The following HTR4 variants were observed in gnomAD, a reference collection of about 807,000 sequenced individuals.
HTR4 encodes the protein 5-hydroxytryptamine receptor 4.
A neutral mutation model predicts 36.8 loss-of-function variants in HTR4; 16 were observed. The observed-to-expected ratio is 0.43, with a 90% CI of 0.29 to 0.66. HTR4 has a LOEUF of 0.66. Ranked by LOEUF, HTR4 falls within the 30% of genes least tolerant of loss-of-function variation. The probability of loss-of-function intolerance (pLI) is 0.13; values close to 1 mark genes in which losing one functional copy is unlikely to be tolerated. For missense variants in HTR4, 438 were observed against 490.9 expected, an observed-to-expected ratio of 0.89 and a Z score of 1.02; for synonymous variants, 189 against 185.1, an observed-to-expected ratio of 1.02 and a Z score of -0.17.
intron 2 of HTR4, among the ~76,000 whole-genome samples, chr5:148,613,598 G>A (rs551690554): frequency 6.7e-6 from 1 of 150,200 alleles, no homozygotes; most frequent in East Asian, 2.0e-4. Context: ...AAAACTGGAA[G>A]CATTCCCTTT....
Position 148,548,883 on chromosome 5 carries a change from G to A in HTR4, c.153-15C>T, listed in dbSNP as rs761637593. ...TTTTTATTTTCCTGTGAGTGAAAAAGTGTAAGAGAGGAGGCAGGGGGAGGG... is the reference window on the plus strand; with the variant it reads ...TTTTTATTTTCCTGTGAGTGAAAAAATGTAAGAGAGGAGGCAGGGGGAGGG... On this transcript the variant is annotated splice_polypyrimidine_tract_variant and intron_variant, in intron 3 of 6. Coordinates refer to ENST00000377888, the MANE Select transcript of HTR4 (RefSeq NM_000870.7). 3.1e-6 allele frequency: 5 copies of A among 1,598,570 alleles called. No individual in the cohort carries two copies. In the South Asian group the frequency reaches 3.3e-5, roughly 11 times the overall value.
At chr5:148,462,215 A>G (rs1581336660) in intron 5 of HTR4, among the ~76,000 whole-genome samples, 1 of 152,140 alleles carries the variant, frequency 6.6e-6, no homozygotes, top group East Asian at 1.9e-4. Flanking sequence ...GAGAAAATCA[A>G]TAAAACAAAA....
In HTR4 at chr5:148,454,658, G is replaced by A. The variant is rs377683748; in HGVS notation, c.1077-3386C>T. 5.9e-5 allele frequency among the ~76,000 whole-genome samples: 9 copies of A among 152,134 alleles called. No individual in the cohort carries two copies. In the South Asian group the frequency reaches 8.3e-4, roughly 14 times the overall value. On this transcript the variant is annotated intron_variant, in intron 5 of 5. Transcript: ENST00000521530. ...CAAAGCCCTCTTTTGGCAAATATGC[G>A]TACTAAAGCAACACCAATTGATTTC...
At position 148,508,549 on chromosome 5, in the gene HTR4, G is replaced by A. The variant is rs548675158; in HGVS notation, c.1076+907C>T. Among the ~76,000 whole-genome samples, 4 of 152,204 alleles carry A rather than the reference G, an allele frequency of 2.6e-5. No individual in the cohort carries two copies. In the South Asian group the frequency reaches 8.3e-4, roughly 32 times the overall value. ...CTTCCTTGTACTGTTCTATCTGCCTGAAATGGCTTCCCTGCCTTCTCCTCC... is the reference window on the plus strand; with the variant it reads ...CTTCCTTGTACTGTTCTATCTGCCTAAAATGGCTTCCCTGCCTTCTCCTCC... On this transcript the variant is annotated intron_variant, in intron 6 of 6. Transcript: ENST00000377888.
intron 1 of HTR4, chr5:148,644,761 G>A (rs894578487): frequency 2.6e-5 from 4 of 152,112 alleles, no homozygotes; most frequent in Admixed American, 1.3e-4. Context: ...AGTGGAACTT[G>A]GATTCTCAGG....
intron 2 of HTR4, among the ~76,000 whole-genome samples, chr5:148,607,229 A>G (rs1393745722): frequency 1.3e-5 from 2 of 152,232 alleles, no homozygotes; most frequent in Non-Finnish European, 2.9e-5. Flanking sequence ...TAGACACATG[A>G]TAATTCCTTC....
chr5:148,504,232 A>G (rs1228545987), intron 6 of HTR4, among the ~76,000 whole-genome samples: 2 of 152,228 alleles, frequency 1.3e-5, no homozygotes, highest in Non-Finnish European at 2.9e-5. Context: ...AAAATTGTCC[A>G]CATAGTTGGA....
intron 6 of HTR4, among the ~76,000 whole-genome samples, chr5:148,507,029 T>C (rs1223833706): frequency 1.3e-5 from 2 of 152,134 alleles, no homozygotes; most frequent in African/African-American, 2.4e-5. Flanking sequence ...ACTGGGTATA[T>C]ACCCAAAGGA....
intron 2 of HTR4, 68 bp downstream of exon 2, chr5:148,636,921 A>G: frequency 9.9e-7 from 1 of 1,014,656 alleles, no homozygotes; most frequent in East Asian, 2.4e-5. Flanking sequence ...ACAACAACAG[A>G]TTTTTAGAGT....
chr5:148,468,954 T>C (rs898803094), intron 5 of HTR4, among the ~76,000 whole-genome samples: 1 of 152,092 alleles, frequency 6.6e-6, no homozygotes, highest in African/African-American at 2.4e-5. Flanking sequence ...TGAAAAATCA[T>C]GTATTTACTT....
intron 2 of HTR4, among the ~76,000 whole-genome samples, chr5:148,635,301 G>A (rs1753492308): frequency 6.6e-6 from 1 of 152,132 alleles, no homozygotes; most frequent in African/African-American, 2.4e-5. Context: ...GACATTCAAA[G>A]GCTGTACTGA....
At chr5:148,579,203 T>C (rs531411665) in intron 2 of HTR4, among the ~76,000 whole-genome samples, 66 of 152,248 alleles carry the variant, frequency 4.3e-4, no homozygotes, top group Non-Finnish European at 5.9e-5. Flanking sequence ...ACAGCCAATG[T>C]TTCTTTTTTC....
intron 5 of HTR4, among the ~76,000 whole-genome samples, chr5:148,451,979 A>C (rs1220788127): frequency 6.6e-6 from 1 of 152,204 alleles, no homozygotes; most frequent in Non-Finnish European, 1.5e-5. Flanking sequence ...AGATTTTAGA[A>C]GCATGTTCAC....
intron 2 of HTR4, among the ~76,000 whole-genome samples, chr5:148,623,947 T>C (rs1230853216): frequency 6.6e-6 from 1 of 151,952 alleles, no homozygotes; most frequent in Non-Finnish European, 1.5e-5. Context: ...TCTTGGAGGG[T>C]TCCTGAATCA....
chr5:148,477,673 C>A (rs975196862), downstream of HTR4, among the ~76,000 whole-genome samples: 1 of 152,134 alleles, frequency 6.6e-6, no homozygotes, highest in African/African-American at 2.4e-5. Context: ...ATGCTTTCAC[C>A]AAGGCTGACA....
At chr5:148,557,806 A>G (rs1209605655) in intron 2 of HTR4, among the ~76,000 whole-genome samples, 3 of 148,644 alleles carry the variant, frequency 2.0e-5, no homozygotes, top group South Asian at 4.2e-4. Context: ...ATATATAAAT[A>G]TATATATTCT....
rs1369947361 is a variant in HTR4 at position 148,592,039 on chromosome 5, G to A, written c.27-41777C>T. Among the ~76,000 whole-genome samples the A allele has an allele frequency of 3.9e-5, 6 of 152,134 alleles. No homozygotes were observed. The East Asian group carries it at 1.2e-3, about 29-fold the overall frequency. ...GAAAATGTGGTACAGATACTCCATGGAATACTGTGCAGCCACGTAAAAGAA... is the reference window on the plus strand; with the variant it reads ...GAAAATGTGGTACAGATACTCCATGAAATACTGTGCAGCCACGTAAAAGAA... On this transcript the variant is annotated intron_variant, in intron 2 of 6. Coordinates refer to ENST00000377888, the MANE Select transcript of HTR4 (RefSeq NM_000870.7).
At chr5:148,611,943 A>C (rs879470228) in intron 2 of HTR4, among the ~76,000 whole-genome samples, 2,110 of 152,258 alleles carry the variant, frequency 0.014, 44 homozygotes, top group African/African-American at 0.049. Flanking sequence ...GCCATTACAT[A>C]ATGGTAAAGG....
intron 6 of HTR4, 106 bp from the exon 7 acceptor site, chr5:148,483,399 T>C: frequency 6.1e-6 from 6 of 980,144 alleles, no homozygotes; most frequent in Non-Finnish European, 6.3e-6. Context: ...GCCATGCAGA[T>C]GAGTAGCTAT....
Sources: gnomAD v4.1 joint callset for allele counts (sites outside exome capture counted in the v4.1 genomes callset) on GRCh38, gnomAD v4.1.1 for gene constraint, MANE v1.5 for transcripts, NCBI Gene and HGNC (gene_info 2026-07-23, HGNC 2026-07-21) for gene names.